ST7L: variants seen among roughly 807,000 people sequenced by gnomAD.
ST7L encodes suppressor of tumorigenicity 7 protein-like.
In ST7L, 57 loss-of-function variants were observed where a neutral mutation model predicts 72.5. The ratio of observed to expected loss-of-function variants is 0.79; its 90% confidence interval spans 0.64 to 0.98. The LOEUF is 0.98. ST7L is among the 50% of genes least tolerant of loss of function. The pLI, the probability that ST7L is intolerant of heterozygous loss-of-function variation, is 0.00. For synonymous variants in ST7L, 221 were observed against 240.9 expected (o/e 0.92, Z 0.77); for missense variants, 576 against 672.2 (o/e 0.86, Z 1.58).
chr1:112,616,507 A>C (rs6671537), intron 2 of ST7L, among the ~76,000 whole-genome samples: 3,049 of 152,118 alleles, frequency 0.02, 102 homozygotes, highest in African/African-American at 0.069. Context: ...CTTTGGGAGG[A>C]CAAGGCAGGC....
At chr1:112,583,549 A>T (rs1165461163) in intron 7 of ST7L, among the ~76,000 whole-genome samples, 1 of 152,248 alleles carries the variant, frequency 6.6e-6, no homozygotes, top group East Asian at 1.9e-4. Flanking sequence ...CTAGCACTAT[A>T]TGCAGATACA....
At chr1:112,547,193 CTT>C (rs759140130) in intron 13 of ST7L, among the ~76,000 whole-genome samples, 32 of 137,454 alleles carry the variant, frequency 2.3e-4, no homozygotes, top group Non-Finnish European at 2.5e-4. Context: ...TTCTTTCTTT[CTT>C]TTTTTTTTTT....
intron 3 of ST7L, among the ~76,000 whole-genome samples, chr1:112,609,203 TTTTCC>T (rs1406340326): frequency 6.6e-6 from 1 of 151,962 alleles, no homozygotes; most frequent in Non-Finnish European, 1.5e-5. Flanking sequence ...GCTTTGTAAA[TTTTCC>T]TTTCCTAATT....
rs61349207 is a variant in ST7L, at chr1:112,568,861, A to AATATAAATATAT, written c.1245+8124_1245+8125insATATATTTATAT. On this transcript the variant is annotated intron_variant, in intron 11 of 14. Transcript: ENST00000358039. Reference sequence around the variant, plus strand: ...CCTGTTTTTTATAAATATAAATATAAATATATATATATATATATATATATA... The same window carrying AATATAAATATAT: ...CCTGTTTTTTATAAATATAAATATAAATATAAATATATATATATATATATATATATATATATA... 3.9e-3 allele frequency among the ~76,000 whole-genome samples: 452 copies of AATATAAATATAT among 114,762 alleles called. 5 individuals are homozygous for AATATAAATATAT. The highest frequency in any genetic ancestry group is 0.014 in the African/African-American group (414 of 28,662). The allele number at this position is 114,762 out of a possible 152,430, so 75.3% of individuals were successfully genotyped here.
chr1:112,588,018 G>C (rs1195267528), intron 6 of ST7L, among the ~76,000 whole-genome samples: 2 of 152,106 alleles, frequency 1.3e-5, no homozygotes, highest in Non-Finnish European at 1.5e-5. Flanking sequence ...GCACCTCCTT[G>C]ATTAAATTTA....
At chr1:112,568,888 A>AT (rs1557994022) in intron 11 of ST7L, among the ~76,000 whole-genome samples, 2,175 of 131,636 alleles carry the variant, frequency 0.017, 38 homozygotes, top group African/African-American at 0.032. Context: ...ATATATATAT[A>AT]AAACAAAAAT....
intron 6 of ST7L, among the ~76,000 whole-genome samples, chr1:112,589,281 G>T (rs946408420): frequency 1.3e-5 from 2 of 151,894 alleles, no homozygotes; most frequent in African/African-American, 4.8e-5. Flanking sequence ...TTGAGACAGG[G>T]TCTCTTTATG....
At chr1:112,540,033 G>C (rs1655852904) in intron 14 of ST7L, 2 of 985,240 alleles carry the variant, frequency 2.0e-6, no homozygotes, top group African/African-American at 1.7e-5. Flanking sequence ...CTCTACTAGA[G>C]GAGTGCTAAG....
chr1:112,566,143 A>G (rs552516644), intron 11 of ST7L, among the ~76,000 whole-genome samples: 18 of 152,264 alleles, frequency 1.2e-4, no homozygotes, highest in Admixed American at 3.3e-4. Context: ...TACTTTTACA[A>G]TGCTTTCCAT....
intron 6 of ST7L, 69 bp from the exon 7 acceptor site, chr1:112,584,195 C>G: frequency 1.3e-6 from 2 of 1,483,278 alleles, no homozygotes; most frequent in South Asian, 2.6e-5. Context: ...GGTTATGTCC[C>G]TTTGCTCTAT....
intron 1 of ST7L, among the ~76,000 whole-genome samples, chr1:112,617,767 AAAG>A (rs1670142572): frequency 6.6e-6 from 1 of 151,952 alleles, no homozygotes; most frequent in South Asian, 2.1e-4. Flanking sequence ...GAAACGTAAA[AAAG>A]AAAAATCTAT....
At chr1:112,560,967 G>GAAAA (rs35379282) in intron 11 of ST7L, among the ~76,000 whole-genome samples, 2 of 90,210 alleles carry the variant, frequency 2.2e-5, no homozygotes, top group African/African-American at 4.6e-5. Context: ...ACATCTTAAA[G>GAAAA]AAAAAAAAAA....
chr1:112,576,093 C>A (rs1663051605), intron 11 of ST7L, among the ~76,000 whole-genome samples: 1 of 151,852 alleles, frequency 6.6e-6, no homozygotes, highest in South Asian at 2.1e-4. Flanking sequence ...TTTGTAGAAC[C>A]CCAATTTTTT....
chr1:112,566,294 C>CTTTTTTTTTTTTTT (rs33915951), intron 11 of ST7L, among the ~76,000 whole-genome samples: 49 of 108,958 alleles, frequency 4.5e-4, no homozygotes, highest in Middle Eastern at 4.6e-3. Flanking sequence ...TTTTCTTCTT[C>CTTTTTTTTTTTTTT]TTCTTTTTTT....
At chr1:112,533,145 C>A (rs1031788159) in intron 14 of ST7L, among the ~76,000 whole-genome samples, 3 of 152,038 alleles carry the variant, frequency 2.0e-5, no homozygotes, top group Admixed American at 6.6e-5. Flanking sequence ...CCAGGGCTTA[C>A]TGTTTCTTTA....
At chr1:112,533,047 T>C (rs1379267426) in intron 14 of ST7L, among the ~76,000 whole-genome samples, 2 of 152,234 alleles carry the variant, frequency 1.3e-5, no homozygotes, top group African/African-American at 4.8e-5. Flanking sequence ...AGAAGACTGA[T>C]ATTGAAACAT....
chr1:112,615,644 G>A (rs149041254), intron 2 of ST7L, among the ~76,000 whole-genome samples: 2,977 of 152,218 alleles, frequency 0.02, 99 homozygotes, highest in African/African-American at 0.067. Context: ...TGTGAATATC[G>A]ACTGTACTCT....
chr1:112,578,579 G>A (rs1663532248), intron 9 of ST7L, among the ~76,000 whole-genome samples, 162 bp from the exon 10 acceptor site: 2 of 151,584 alleles, frequency 1.3e-5, no homozygotes, highest in Admixed American at 6.6e-5. Flanking sequence ...TTCAAGACCG[G>A]CCTGACCAAA....
At chr1:112,520,325 G>T (rs772143167), downstream of ST7L, 1 of 1,614,148 alleles carries the variant, frequency 6.2e-7, no homozygotes. Context: ...ACATCAAAAG[G>T]AACAGACGGT....
Sources: gnomAD v4.1 joint callset for allele counts (sites outside exome capture counted in the v4.1 genomes callset) on GRCh38, gnomAD v4.1.1 for gene constraint, MANE v1.5 for transcripts, NCBI Gene and HGNC (gene_info 2026-07-23, HGNC 2026-07-21) for gene names.